Variants in WWOX observed in about 807,000 individuals in gnomAD.
The protein encoded by WWOX is WW domain-containing oxidoreductase.
Under a neutral mutation model 46.2 loss-of-function variants are expected in WWOX, and 69 were observed. The ratio of observed to expected loss-of-function variants is 1.49; its 90% CI spans 1.23 to 1.82. The LOEUF (loss-of-function observed/expected upper bound fraction) is 1.82. Ranked by LOEUF, WWOX falls within the 40% of genes most tolerant of loss-of-function variation. The pLI is 0.00. For synonymous variants in WWOX, 359 were observed against 202.6 expected, an observed-to-expected ratio of 1.77 and a Z score of -6.56; for missense variants, 919 against 542.6, an observed-to-expected ratio of 1.69 and a Z score of -6.89.
At chr16:78,597,760 GTATATA>G (rs66672636) in intron 8 of WWOX, among the ~76,000 whole-genome samples, 3,583 of 144,892 alleles carry the variant, frequency 0.025, 106 homozygotes, top group East Asian at 0.15. Flanking sequence ...ATTTATATGT[GTATATA>G]TATATATATA....
intron 5 of WWOX, among the ~76,000 whole-genome samples, chr16:78,341,673 G>C (rs1314492404): frequency 8.3e-6 from 1 of 119,938 alleles, no homozygotes; most frequent in African/African-American, 2.8e-5. Context: ...CCTGGGAAAG[G>C]TGAGCAAGAG....
chr16:79,070,300 G>A (rs1457912823), intron 8 of WWOX, among the ~76,000 whole-genome samples: 2 of 150,206 alleles, frequency 1.3e-5, no homozygotes, highest in Non-Finnish European at 1.5e-5. Context: ...GTGTGTGTGT[G>A]TGTGTGTTTT....
intron 8 of WWOX, among the ~76,000 whole-genome samples, chr16:78,876,317 C>T (rs2044232842): frequency 6.6e-6 from 1 of 151,680 alleles, no homozygotes; most frequent in African/African-American, 2.4e-5. Context: ...TGCTTATGGC[C>T]ATGCCCTTTC....
At chr16:79,014,371 T>C (rs2047371761) in intron 8 of WWOX, among the ~76,000 whole-genome samples, 1 of 152,218 alleles carries the variant, frequency 6.6e-6, no homozygotes, top group African/African-American at 2.4e-5. Context: ...TGTTTTCTAT[T>C]GTCCCCGAAT....
intron 8 of WWOX, among the ~76,000 whole-genome samples, chr16:79,083,922 T>C (rs1184812792): frequency 2.0e-5 from 3 of 152,236 alleles, no homozygotes; most frequent in Admixed American, 1.3e-4. Flanking sequence ...GGGTTTCTTT[T>C]ATGAGGTCGT....
At chr16:78,445,421 C>T (rs2083537370) in intron 8 of WWOX, among the ~76,000 whole-genome samples, 1 of 152,142 alleles carries the variant, frequency 6.6e-6, no homozygotes, top group African/African-American at 2.4e-5. Flanking sequence ...GGGTGCTTTG[C>T]TAGGGACAGA....
intron 3 of WWOX, among the ~76,000 whole-genome samples, chr16:78,113,388 C>G (rs957090967): frequency 6.6e-6 from 1 of 152,228 alleles, no homozygotes; most frequent in African/African-American, 2.4e-5. Flanking sequence ...TGCAATGATT[C>G]AACTCTGCCT....
chr16:78,585,355 G>A (rs2045170439), intron 8 of WWOX, among the ~76,000 whole-genome samples: 1 of 152,180 alleles, frequency 6.6e-6, no homozygotes, highest in Non-Finnish European at 1.5e-5. Flanking sequence ...GCCCCAGGAG[G>A]CTGGAAATTC....
At position 79,211,628 on chromosome 16, in the gene WWOX, C is replaced by G. The variant is rs150912992; in HGVS notation, c.1077C>G (p.Thr359=). ...TKSMQQGAAT[T]VYCAAVPELE... ...TCCAGCAACAGGGAGCTGCCACCAC[C>G]GTGTACTGTGCTGCTGTCCCAGAAC... The change falls in exon 9 of 9, where the codon ACC becomes ACG. Residue 359 remains threonine (T), a synonymous_variant. Coordinates refer to ENST00000566780, the MANE Select transcript of WWOX (RefSeq NM_016373.4). 4 of 1,614,106 alleles carry G rather than the reference C, an allele frequency of 2.5e-6. No individual in the cohort carries two copies. Among genetic ancestry groups the G allele is most frequent in the African/African-American group, 2.7e-5 (2 of 74,940 alleles).
At chr16:78,185,740 C>A (rs1376795942) in intron 5 of WWOX, among the ~76,000 whole-genome samples, 1 of 152,162 alleles carries the variant, frequency 6.6e-6, no homozygotes, top group Non-Finnish European at 1.5e-5. Flanking sequence ...GATCTCAGCT[C>A]ACTGCAGTCT....
At chr16:78,518,044 G>C (rs748653769) in intron 8 of WWOX, among the ~76,000 whole-genome samples, 82 of 151,688 alleles carry the variant, frequency 5.4e-4, no homozygotes, top group Non-Finnish European at 1.0e-3. Context: ...CTTTGAGCTT[G>C]GTAATTAGAT....
At chr16:78,961,445 A>G (rs556199258) in intron 8 of WWOX, among the ~76,000 whole-genome samples, 1 of 151,990 alleles carries the variant, frequency 6.6e-6, no homozygotes, top group East Asian at 1.9e-4. Context: ...ACATGGATGG[A>G]TGGATGGATG....
At chr16:78,264,055 G>C in intron 5 of WWOX, among the ~76,000 whole-genome samples, 1 of 101,514 alleles carries the variant, frequency 9.9e-6, no homozygotes. Context: ...ATTTATCTCT[G>C]GATGGTTTGT....
intron 5 of WWOX, among the ~76,000 whole-genome samples, chr16:78,200,247 G>A (rs1034138725): frequency 1.3e-5 from 2 of 151,838 alleles, no homozygotes; most frequent in Admixed American, 1.3e-4. Context: ...TTCCTCGCCC[G>A]ACTTCTGATT....
At chr16:78,841,097 C>T (rs113738147) in intron 8 of WWOX, among the ~76,000 whole-genome samples, 3,878 of 152,168 alleles carry the variant, frequency 0.025, 159 homozygotes, top group African/African-American at 0.088. Flanking sequence ...ACATTCATTT[C>T]GGTAAAAAAC....
chr16:79,131,633 T>C (rs2049880380), intron 8 of WWOX, among the ~76,000 whole-genome samples: 1 of 152,166 alleles, frequency 6.6e-6, no homozygotes, highest in East Asian at 1.9e-4. Flanking sequence ...GGATATATAT[T>C]GAGGCTTTAT....
At chr16:79,138,122 A>C (rs768864212) in intron 8 of WWOX, among the ~76,000 whole-genome samples, 6 of 152,176 alleles carry the variant, frequency 3.9e-5, no homozygotes, top group South Asian at 2.1e-4. Context: ...ACAGCCAGAA[A>C]TAATTCCCCG....
At chr16:78,577,650 T>C (rs1373734942) in intron 8 of WWOX, among the ~76,000 whole-genome samples, 1 of 152,226 alleles carries the variant, frequency 6.6e-6, no homozygotes, top group African/African-American at 2.4e-5. Context: ...TTACATACAT[T>C]CATCATTTTC....
At chr16:79,013,083 T>A (rs763408615) in intron 8 of WWOX, among the ~76,000 whole-genome samples, 5 of 152,092 alleles carry the variant, frequency 3.3e-5, no homozygotes, top group African/African-American at 4.8e-5. Context: ...AAAAAGGAAA[T>A]GCTACCAGTG....
Sources: allele counts gnomAD v4.1 joint callset (sites outside exome capture counted in the v4.1 genomes callset), GRCh38; gene constraint gnomAD v4.1.1; transcripts MANE v1.5; gene names NCBI Gene and HGNC (gene_info 2026-07-23, HGNC 2026-07-21).